Variants in IMMP2L observed in about 807,000 individuals in gnomAD.
IMMP2L encodes inner mitochondrial membrane peptidase subunit 2.
IMMP2L carries 18 observed loss-of-function variants against 19.3 expected under a neutral mutation model. That is an observed-to-expected ratio of 0.93 (90% confidence interval 0.64 to 1.38). The LOEUF is 1.38. IMMP2L is among the 40% of genes most tolerant of loss of function. The pLI is 0.00. For missense variants in IMMP2L, 233 were observed against 218.2 expected (o/e 1.07, Z -0.43); for synonymous variants, 76 against 73.0 (o/e 1.04, Z -0.21).
In IMMP2L at chr7:111,293,032, C is replaced by T. The variant is rs75470359; in HGVS notation, c.239+194206G>A. 4.6e-5 allele frequency among the ~76,000 whole-genome samples: 7 copies of T among 152,012 alleles called. No individual in the cohort carries two copies. The East Asian group carries it at 1.4e-3, about 29-fold the overall frequency. On this transcript the variant is annotated intron_variant, in intron 3 of 5. Transcript: ENST00000405709. ...AACTCTTAGCATATACCTCACCATC[C>T]TGCTTTTCAGTCAGAGCAGCAGCAA...
intron 3 of IMMP2L, among the ~76,000 whole-genome samples, chr7:111,385,284 CA>C (rs1486269969): frequency 2.6e-5 from 4 of 152,096 alleles, no homozygotes; most frequent in Non-Finnish European, 5.9e-5. Context: ...AACTATTAAC[CA>C]AATCTTGGAT....
At chr7:110,773,899 T>C (rs1290807617) in intron 5 of IMMP2L, among the ~76,000 whole-genome samples, 5 of 135,902 alleles carry the variant, frequency 3.7e-5, no homozygotes, top group Non-Finnish European at 7.7e-5. Context: ...AATCATGACA[T>C]TGGGTAAAAT....
At chr7:110,687,152 A>G (rs905513216) in intron 5 of IMMP2L, among the ~76,000 whole-genome samples, 3 of 152,092 alleles carry the variant, frequency 2.0e-5, no homozygotes, top group Non-Finnish European at 2.9e-5. Context: ...GTTACTCTGT[A>G]TTCATAACAT....
At chr7:110,965,843 C>T (rs1819485933) in intron 3 of IMMP2L, among the ~76,000 whole-genome samples, 1 of 151,922 alleles carries the variant, frequency 6.6e-6, no homozygotes, top group African/African-American at 2.4e-5. Context: ...GACATTGGTA[C>T]TCTCTATATA....
At chr7:111,157,379 G>T (rs117103748) in intron 3 of IMMP2L, among the ~76,000 whole-genome samples, 2,017 of 152,174 alleles carry the variant, frequency 0.013, 35 homozygotes, top group Admixed American at 0.055. Flanking sequence ...ATACACAGTG[G>T]AGTACTCTTC....
chr7:110,748,934 A>G (rs1797544487), intron 5 of IMMP2L, among the ~76,000 whole-genome samples: 1 of 152,226 alleles, frequency 6.6e-6, no homozygotes, highest in Admixed American at 6.5e-5. Flanking sequence ...TTGCACAGCA[A>G]TAGAAACTAT....
At chr7:111,090,063 G>A (rs914236389) in intron 3 of IMMP2L, among the ~76,000 whole-genome samples, 1 of 151,788 alleles carries the variant, frequency 6.6e-6, no homozygotes, top group Non-Finnish European at 1.5e-5. Flanking sequence ...CTTTTGACCT[G>A]TTGATATATT....
intron 3 of IMMP2L, among the ~76,000 whole-genome samples, chr7:111,165,744 T>A (rs1195097547): frequency 1.3e-5 from 2 of 151,952 alleles, no homozygotes; most frequent in African/African-American, 4.8e-5. Context: ...CCAAAACAAA[T>A]CTCCCATACT....
chr7:110,911,328 A>G (rs1272250374), intron 4 of IMMP2L, among the ~76,000 whole-genome samples: 1 of 152,134 alleles, frequency 6.6e-6, no homozygotes, highest in Non-Finnish European at 1.5e-5. Flanking sequence ...AATATATTAC[A>G]AAATGTAAAT....
At chr7:111,265,275 G>C (rs1426771070) in intron 3 of IMMP2L, among the ~76,000 whole-genome samples, 1 of 152,118 alleles carries the variant, frequency 6.6e-6, no homozygotes, top group Non-Finnish European at 1.5e-5. Context: ...TTTTCTGTTG[G>C]AAATGTATTC....
At chr7:110,732,537 G>A (rs1268806992) in intron 5 of IMMP2L, among the ~76,000 whole-genome samples, 1 of 152,142 alleles carries the variant, frequency 6.6e-6, no homozygotes, top group Non-Finnish European at 1.5e-5. Flanking sequence ...ATAGAAAGAA[G>A]TCTTTTCCTC....
chr7:110,887,985 G>T (rs1402603940), intron 4 of IMMP2L, among the ~76,000 whole-genome samples: 1 of 151,640 alleles, frequency 6.6e-6, no homozygotes, highest in Non-Finnish European at 1.5e-5. Flanking sequence ...AACATAAATT[G>T]GTGCTACAGA....
rs1366225283 is a variant in IMMP2L, at chr7:110,886,771, G to A, written c.306-76C>T. 3 of 697,028 alleles carry A rather than the reference G, an allele frequency of 4.3e-6. No homozygotes were observed. In the African/African-American group the frequency reaches 5.4e-5, roughly 13 times the overall value. 43.2% of individuals were successfully genotyped at this position (697,028 alleles called of 1,614,324 possible). On this transcript the variant is annotated intron_variant, in intron 4 of 5. Coordinates refer to ENST00000405709, the MANE Select transcript of IMMP2L (RefSeq NM_032549.4). Reference sequence around the variant, plus strand: ...CTGCTGGGCATACAAACTTAGGAATGGTGAAAATATTATATAGATGTTACA... The same window carrying A: ...CTGCTGGGCATACAAACTTAGGAATAGTGAAAATATTATATAGATGTTACA...
At chr7:111,279,320 C>A (rs141964721) in intron 3 of IMMP2L, among the ~76,000 whole-genome samples, 329 of 152,212 alleles carry the variant, frequency 2.2e-3, no homozygotes, top group African/African-American at 6.8e-3. Context: ...GTGCCAACTT[C>A]CAGAAACTGT....
At chr7:110,904,353 T>G (rs1014603987) in intron 4 of IMMP2L, among the ~76,000 whole-genome samples, 15 of 152,176 alleles carry the variant, frequency 9.9e-5, no homozygotes, top group African/African-American at 3.6e-4. Flanking sequence ...GTTTTTCCCC[T>G]ATGTTTTCTT....
Position 111,011,209 on chromosome 7 carries a change from C to T in IMMP2L, c.240-47644G>A, listed in dbSNP as rs1585734375. ...CAGTGGAAAGAGAGAAAATCATGTG[C>T]TAGATTAATCATGTTGAATTATGAA... On this transcript the variant is annotated intron_variant, in intron 3 of 5. Coordinates refer to ENST00000405709, the MANE Select transcript of IMMP2L (RefSeq NM_032549.4). 2.0e-5 allele frequency among the ~76,000 whole-genome samples: 3 copies of T among 152,020 alleles called. No individual in the cohort carries two copies. In the South Asian group the frequency reaches 6.2e-4, roughly 32 times the overall value.
At chr7:111,017,609 GT>G (rs1192728960) in intron 3 of IMMP2L, among the ~76,000 whole-genome samples, 6 of 152,048 alleles carry the variant, frequency 3.9e-5, no homozygotes, top group Non-Finnish European at 8.8e-5. Flanking sequence ...CTCCCCTTCA[GT>G]TTACCTTTAC....
chr7:111,549,847 A>G (rs1695289273), intron 1 of IMMP2L, among the ~76,000 whole-genome samples: 1 of 151,910 alleles, frequency 6.6e-6, no homozygotes, highest in Non-Finnish European at 1.5e-5. Context: ...AGGCTGAGGC[A>G]CGAAAATCAC....
intron 3 of IMMP2L, among the ~76,000 whole-genome samples, chr7:111,416,124 C>T (rs1413541196): frequency 6.6e-6 from 1 of 151,708 alleles, no homozygotes; most frequent in Non-Finnish European, 1.5e-5. Context: ...TTTTTGTCAA[C>T]ACCCAACTAC....
Sources: gnomAD v4.1 joint callset for allele counts (sites outside exome capture counted in the v4.1 genomes callset) on GRCh38, gnomAD v4.1.1 for gene constraint, MANE v1.5 for transcripts, NCBI Gene and HGNC (gene_info 2026-07-23, HGNC 2026-07-21) for gene names.